Variants in LARS1 observed in about 807,000 individuals in gnomAD.
LARS1 encodes leucine--tRNA ligase, cytoplasmic.
A neutral mutation model predicts 162.8 loss-of-function variants in LARS1; 100 were observed. The ratio of observed to expected loss-of-function variants is 0.61; its 90% CI spans 0.52 to 0.73. LARS1 has a LOEUF of 0.73. LARS1 is among the 30% of genes least tolerant of loss of function. The probability of loss-of-function intolerance (pLI) is 0.00; values close to 1 mark genes in which losing one functional copy is unlikely to be tolerated. For missense variants in LARS1, 1,258 were observed against 1,408.9 expected, an observed-to-expected ratio of 0.89 and a Z score of 1.71; for synonymous variants, 457 against 462.8, an observed-to-expected ratio of 0.99 and a Z score of 0.16.
intron 28 of LARS1, among the ~76,000 whole-genome samples, chr5:146,125,205 C>T (rs1309368763): frequency 1.3e-5 from 2 of 152,022 alleles, no homozygotes; most frequent in Non-Finnish European, 2.9e-5. Flanking sequence ...GGGGAACCAA[C>T]GAACTATGAA....
At chr5:146,122,647 A>G (rs1751878503) in intron 29 of LARS1, 60 bp from the exon 30 acceptor site, 5 of 875,488 alleles carry the variant, frequency 5.7e-6, no homozygotes, top group Non-Finnish European at 7.3e-6. Context: ...CAAATTAATC[A>G]TCACCTCATT....
chr5:146,182,245 A>G, intron 1 of LARS1: 1 of 567,814 alleles, frequency 1.8e-6, no homozygotes, highest in Non-Finnish European at 3.2e-6. Flanking sequence ...CCGGCTCTCC[A>G]CCTCGATTTT....
rs765545630 is a variant in LARS1 at position 146,133,075 on chromosome 5, C to A, written c.2219G>T (p.Arg740Leu). The A allele has an allele frequency of 1.2e-6, 2 of 1,611,082 alleles. No homozygotes were observed. The highest frequency in any genetic ancestry group is 8.5e-7 in the Non-Finnish European group (1 of 1,178,958). The stretch of plus-strand genomic sequence containing the variant: ...GTCACCAGCATCAGCCAGAGCCAAA[C>A]GCATTCCTGGAAGAAGAAAAAAAAA... ...AIDKFSADGM[R>L]LALADAGDTV... is the part of the protein sequence containing the mutation. Residue 740 changes from arginine to leucine, a missense_variant, in exon 23 of 32, where the codon CGT becomes CTT. Transcript: ENST00000394434.
At chr5:146,165,288 G>C (rs1173476348) in intron 5 of LARS1, among the ~76,000 whole-genome samples, 1 of 151,858 alleles carries the variant, frequency 6.6e-6, no homozygotes, top group Non-Finnish European at 1.5e-5. Flanking sequence ...AGCCGAGACT[G>C]TGCCACTGTA....
At chr5:146,175,963 T>TG (rs1754541889) in intron 2 of LARS1, among the ~76,000 whole-genome samples, 1 of 152,042 alleles carries the variant, frequency 6.6e-6, no homozygotes, top group East Asian at 1.9e-4. Flanking sequence ...GAGACCAGCC[T>TG]GGGCAACATA....
intron 27 of LARS1, 30 bp from the exon 28 acceptor site, chr5:146,126,575 A>G (rs373460705): frequency 2.0e-6 from 3 of 1,488,954 alleles, no homozygotes; most frequent in Non-Finnish European, 2.8e-6. Flanking sequence ...AGAGTAATGT[A>G]GAAAAAAAAG....
At chr5:146,153,636 A>G in intron 12 of LARS1, 98 bp downstream of exon 12, 1 of 857,556 alleles carries the variant, frequency 1.2e-6, no homozygotes, top group Non-Finnish European at 1.9e-6. Flanking sequence ...TTAAAGATAA[A>G]TGCATAGCTT....
chr5:146,170,658 G>T (rs149804253), intron 4 of LARS1, among the ~76,000 whole-genome samples: 2 of 152,030 alleles, frequency 1.3e-5, no homozygotes, highest in Admixed American at 6.6e-5. Context: ...GCAATGACAC[G>T]TCATGATATC....
chr5:146,158,312 C>T (rs953544871), intron 8 of LARS1, among the ~76,000 whole-genome samples: 1 of 152,196 alleles, frequency 6.6e-6, no homozygotes, highest in Non-Finnish European at 1.5e-5. Flanking sequence ...TAGGATATTG[C>T]TGCCATTGGC....
chr5:146,174,742 C>T (rs1754479546), intron 2 of LARS1, among the ~76,000 whole-genome samples: 1 of 151,268 alleles, frequency 6.6e-6, no homozygotes, highest in East Asian at 2.0e-4. Context: ...CCTCAGTTTC[C>T]TCAGCTGTAA....
chr5:146,181,874 T>TTTTTTTTTTTTC (rs1754879253), intron 1 of LARS1, among the ~76,000 whole-genome samples: 1 of 113,834 alleles, frequency 8.8e-6, no homozygotes, highest in African/African-American at 3.3e-5. Flanking sequence ...TTTTTTTTTT[T>TTTTTTTTTTTTC]TTTTTGCTGT....
intron 10 of LARS1, among the ~76,000 whole-genome samples, chr5:146,157,196 G>A (rs1753568518): frequency 6.6e-6 from 1 of 152,134 alleles, no homozygotes; most frequent in South Asian, 2.1e-4. Context: ...GCCTTCTGGA[G>A]TGCTAAAACT....
chr5:146,141,093 A>C (rs1351169449), intron 20 of LARS1, among the ~76,000 whole-genome samples: 1 of 152,286 alleles, frequency 6.6e-6, no homozygotes. Flanking sequence ...TTTTGCCTTT[A>C]TGTATTCTTT....
At chr5:146,175,827 CAA>C (rs1235255122) in intron 2 of LARS1, among the ~76,000 whole-genome samples, 1 of 116,944 alleles carries the variant, frequency 8.6e-6, no homozygotes. Flanking sequence ...GACTCCGTCT[CAA>C]AAAAAAAAAA....
chr5:146,123,727 A>T (rs545616150), intron 29 of LARS1, among the ~76,000 whole-genome samples: 24 of 151,854 alleles, frequency 1.6e-4, no homozygotes, highest in Non-Finnish European at 3.2e-4. Flanking sequence ...GAATAGCCAG[A>T]TATACAGTTT....
At chr5:146,133,964 C>A (rs905488541) in intron 22 of LARS1, among the ~76,000 whole-genome samples, 7 of 152,180 alleles carry the variant, frequency 4.6e-5, no homozygotes, top group Non-Finnish European at 1.0e-4. Flanking sequence ...ACTGCCTCAG[C>A]CTCCTGAGTA....
In LARS1 at chr5:146,157,799, A is replaced by C. The variant is rs765686372; in HGVS notation, c.772-4T>G. The C allele has an allele frequency of 2.5e-6, 4 of 1,613,710 alleles. No individual in the cohort carries two copies. The South Asian group carries it at 4.4e-5, about 18-fold the overall frequency. On this transcript the variant is annotated splice_region_variant and splice_polypyrimidine_tract_variant and intron_variant, in intron 8 of 31. Transcript: ENST00000394434. ...TATATTCCTGAGGTCCAACACCCTA[A>C]GCAAATAAACGATACAAAAATTTGA...
chr5:146,159,514 C>A (rs772673064), intron 7 of LARS1, 44 bp from the exon 8 acceptor site: 3 of 1,431,714 alleles, frequency 2.1e-6, no homozygotes, highest in South Asian at 2.3e-5. Flanking sequence ...ATAATATTCA[C>A]GTTTTATCCT....
In LARS1 at chr5:146,131,133, G is replaced by A. The variant is rs1379956681; in HGVS notation, c.2397-24C>T. On this transcript the variant is annotated intron_variant, in intron 23 of 31. Coordinates refer to ENST00000394434, the MANE Select transcript of LARS1 (RefSeq NM_020117.11). The stretch of plus-strand genomic sequence containing the variant: ...CACTATTGAATACGGGGAAAAAAAG[G>A]TTATTGAGTTTAAAGGCACTTATAC... The A allele has an allele frequency of 2.3e-6, 3 of 1,283,898 alleles. No individual in the cohort carries two copies. In the African/African-American group the frequency reaches 4.5e-5, roughly 19 times the overall value. The allele number at this position is 1,283,898 out of a possible 1,614,324, so 79.5% of individuals were successfully genotyped here. A position where few individuals can be genotyped will look rare whatever the true frequency, so the allele number is the denominator to read the frequency against.
Sources: gnomAD v4.1 joint callset for allele counts (sites outside exome capture counted in the v4.1 genomes callset) on GRCh38, gnomAD v4.1.1 for gene constraint, MANE v1.5 for transcripts, NCBI Gene and HGNC (gene_info 2026-07-23, HGNC 2026-07-21) for gene names.